The following RBPJ variants were observed in gnomAD, a reference collection of about 807,000 sequenced individuals.
The protein encoded by RBPJ is recombination signal binding protein for immunoglobulin kappa J region.
Under a neutral mutation model 67.8 loss-of-function variants are expected in RBPJ, and 9 were observed. The ratio of observed to expected loss-of-function variants is 0.13; its 90% CI spans 0.08 to 0.23. The LOEUF (loss-of-function observed/expected upper bound fraction) is 0.23, where lower values mean the gene tolerates loss of function less well. Ranked by LOEUF, RBPJ falls within the 10% of genes least tolerant of loss-of-function variation. The pLI, the probability that RBPJ is intolerant of heterozygous loss-of-function variation, is 1.00. For synonymous variants in RBPJ, 198 were observed against 203.3 expected (o/e 0.97, Z 0.22); for missense variants, 305 against 595.6 (o/e 0.51, Z 5.08).
At chr4:26,381,382 C>T (rs1730315414) in intron 1 of RBPJ, among the ~76,000 whole-genome samples, 1 of 151,938 alleles carries the variant, frequency 6.6e-6, no homozygotes, top group Non-Finnish European at 1.5e-5. Context: ...GTGGGAACCT[C>T]AATACTATTT....
intron 1 of RBPJ, among the ~76,000 whole-genome samples, chr4:26,212,539 C>T (rs978012615): frequency 2.7e-5 from 4 of 147,954 alleles, no homozygotes; most frequent in African/African-American, 5.0e-5. Context: ...CAGGTTCAAG[C>T]GATTCCCACC....
intron 1 of RBPJ, among the ~76,000 whole-genome samples, chr4:26,193,640 A>G (rs910037951): frequency 1.3e-5 from 2 of 152,160 alleles, no homozygotes; most frequent in African/African-American, 4.8e-5. Context: ...ACCCTTGCTC[A>G]ACATAAGCAC....
At chr4:26,223,554 C>A (rs1334109772) in intron 1 of RBPJ, among the ~76,000 whole-genome samples, 1 of 152,092 alleles carries the variant, frequency 6.6e-6, no homozygotes, top group Non-Finnish European at 1.5e-5. Context: ...ATACAGCAAG[C>A]CAGAAGCAGA....
intron 8 of RBPJ, 55 bp downstream of exon 8, chr4:26,428,915 G>C (rs1735945115): frequency 7.1e-7 from 1 of 1,405,086 alleles, no homozygotes; most frequent in Non-Finnish European, 9.9e-7. Context: ...GAGGTTAGCA[G>C]CTTGCAAAAA....
chr4:26,285,678 TAAAAAAAAAAAAA>T (rs545484809), intron 1 of RBPJ, among the ~76,000 whole-genome samples: 2 of 96,282 alleles, frequency 2.1e-5, no homozygotes, highest in African/African-American at 4.5e-5. Flanking sequence ...ACTGATACGT[TAAAAAAAAAAAAA>T]AAAAAAAAAA....
At chr4:26,370,768 T>C (rs1729075614) in intron 1 of RBPJ, among the ~76,000 whole-genome samples, 1 of 152,174 alleles carries the variant, frequency 6.6e-6, no homozygotes, top group Non-Finnish European at 1.5e-5. Flanking sequence ...TAGTTCCCTT[T>C]TCTCTCCATT....
At chr4:26,374,763 C>T (rs1032284978) in intron 1 of RBPJ, among the ~76,000 whole-genome samples, 4 of 152,170 alleles carry the variant, frequency 2.6e-5, no homozygotes, top group African/African-American at 4.8e-5. Flanking sequence ...CCAGTGTGCC[C>T]GGCCCCTGGC....
In RBPJ at chr4:26,430,116, C is replaced by T. The variant is rs1736064752; in HGVS notation, c.1044+63C>T. The T allele has an allele frequency of 6.5e-7, 1 of 1,542,684 alleles. No homozygotes were observed. Among genetic ancestry groups the T allele is most frequent in the African/African-American group, 1.4e-5 (1 of 73,542 alleles). ...GCAGCTACTCTCAGCTGTGACCTGG[C>T]ATCATTTCATTTCATGGGAGTTTTG... is the stretch of plus-strand genomic sequence containing the variant. On this transcript the variant is annotated intron_variant, in intron 9 of 10. Transcript: ENST00000355476. The surrounding 1 kb of genome is among the most constrained non-coding windows in gnomAD (Gnocchi z 4.1).
At chr4:26,356,331 G>A (rs1415566874) in intron 1 of RBPJ, among the ~76,000 whole-genome samples, 1 of 152,214 alleles carries the variant, frequency 6.6e-6, no homozygotes, top group Non-Finnish European at 1.5e-5. Context: ...TTCAGCTTAA[G>A]TTTTGTATCA....
rs139848784 is a variant in RBPJ at position 26,409,810 on chromosome 4, C to T, written c.155+3540C>T. Among the ~76,000 whole-genome samples the T allele has an allele frequency of 8.1e-4, 124 of 152,156 alleles. 2 individuals are homozygous for T. The highest frequency in any genetic ancestry group is 2.6e-3 in the African/African-American group (107 of 41,528). ...ACCGCACCCAGCCTATTTTCAATTT[C>T]TGTGTATTATTTGGGCATGGCCTAG... On this transcript the variant is annotated intron_variant, in intron 3 of 10. Coordinates refer to ENST00000355476, the MANE Select transcript of RBPJ (RefSeq NM_015874.6).
intron 3 of RBPJ, among the ~76,000 whole-genome samples, chr4:26,412,001 G>C (rs1166026937): frequency 6.6e-6 from 1 of 150,770 alleles, no homozygotes. Flanking sequence ...TGTAGTCCCA[G>C]CTACTCGGGA....
Position 26,343,703 on chromosome 4 carries a change from A to T in RBPJ, c.20+22655A>T, listed in dbSNP as rs564572391. On this transcript the variant is annotated intron_variant, in intron 1 of 10. Transcript: ENST00000355476. ...CCTGGGATTACAGGTGTGTGTCACC[A>T]TGCCTGGCTAATTTTTTTGTACTTC... is the stretch of plus-strand genomic sequence containing the variant. 2.9e-5 allele frequency among the ~76,000 whole-genome samples: 4 copies of T among 137,426 alleles called. No homozygotes were observed. The East Asian group carries it at 8.5e-4, about 29-fold the overall frequency. 90.2% of individuals were successfully genotyped at this position (137,426 alleles called of 152,430 possible).
At chr4:26,391,342 C>T (rs1173786879) in intron 2 of RBPJ, among the ~76,000 whole-genome samples, 2 of 152,264 alleles carry the variant, frequency 1.3e-5, no homozygotes, top group South Asian at 2.1e-4. Context: ...TCTTCAGATA[C>T]GTGGTCAGTT....
chr4:26,320,987 G>T, upstream of RBPJ: 2 of 1,566,788 alleles, frequency 1.3e-6, no homozygotes, highest in Non-Finnish European at 1.8e-6. Flanking sequence ...GCGTCGGGGG[G>T]AATCTCGCGA....
At chr4:26,354,125 G>T (rs1327049104) in intron 1 of RBPJ, among the ~76,000 whole-genome samples, 1 of 151,098 alleles carries the variant, frequency 6.6e-6, no homozygotes, top group African/African-American at 2.4e-5. Flanking sequence ...TAGAGACGGG[G>T]TTTCACCATG....
At chr4:26,244,501 A>G (rs1195751339) in intron 1 of RBPJ, among the ~76,000 whole-genome samples, 3 of 146,906 alleles carry the variant, frequency 2.0e-5, no homozygotes, top group African/African-American at 7.8e-5. Flanking sequence ...ATATGTGTGT[A>G]TATATGTATA....
At chr4:26,296,231 G>T (rs1560249286) in intron 1 of RBPJ, among the ~76,000 whole-genome samples, 1 of 152,118 alleles carries the variant, frequency 6.6e-6, no homozygotes, top group Admixed American at 6.6e-5. Context: ...GCAATCTCCC[G>T]CTATAATTAC....
At chr4:26,332,509 G>GT (rs1724365329) in intron 1 of RBPJ, among the ~76,000 whole-genome samples, 1 of 152,012 alleles carries the variant, frequency 6.6e-6, no homozygotes, top group South Asian at 2.1e-4. Context: ...TTTTTAGCTT[G>GT]TTTTCATAGT....
In RBPJ at chr4:26,270,411, AAGAAAGAAAGAAAGAAAGAAAGAAAG is replaced by A. The variant is rs1233065126; in HGVS notation, c.-166-92033_-166-92008del. 6.3e-4 allele frequency among the ~76,000 whole-genome samples: 39 copies of A among 61,628 alleles called. 5 individuals carry two copies. Among genetic ancestry groups the A allele is most frequent in the African/African-American group, 1.7e-3 (38 of 22,784 alleles). The allele number at this position is 61,628 out of a possible 152,430, so 40.4% of individuals were successfully genotyped here. Reference sequence around the variant, plus strand: ...AAAGAAAGAAAGAAAGAAAGAAAGAAAGAAAGAAAGAAAGAAAGAAAGAAAGAAGAAAGAAAGAAAGAAAGAAAAGA... The same window carrying A: ...AAAGAAAGAAAGAAAGAAAGAAAGAAAAGAAAGAAAGAAAGAAAGAAAAGA... On this transcript the variant is annotated intron_variant, in intron 1 of 4. Coordinates refer to the RBPJ transcript ENST00000512351.
Sources: gnomAD v4.1 joint callset for allele counts (sites outside exome capture counted in the v4.1 genomes callset) on GRCh38, gnomAD v4.1.1 for gene constraint, Gnocchi (gnomAD v3.1) non-coding constraint, MANE v1.5 for transcripts, NCBI Gene and HGNC (gene_info 2026-07-23, HGNC 2026-07-21) for gene names.